SHC4: variants seen among roughly 807,000 people sequenced by gnomAD.
SHC4 encodes the protein SHC-transforming protein 4.
SHC4 carries 41 observed loss-of-function variants against 69.4 expected under a neutral mutation model. The ratio of observed to expected loss-of-function variants is 0.59; its 90% confidence interval spans 0.46 to 0.77. The LOEUF (loss-of-function observed/expected upper bound fraction) is 0.77. SHC4 is among the 30% of genes least tolerant of loss of function. The pLI, the probability that SHC4 is intolerant of heterozygous loss-of-function variation, is 0.00. For synonymous variants in SHC4, 318 were observed against 299.3 expected, an observed-to-expected ratio of 1.06 and a Z score of -0.64; for missense variants, 777 against 783.8, an observed-to-expected ratio of 0.99 and a Z score of 0.10.
In SHC4 at chr15:48,962,778, G is replaced by A. The variant is rs1404694748; in HGVS notation, c.238C>T (p.Pro80Ser). 1.9e-6 allele frequency: 3 copies of A among 1,612,584 alleles called. No individual in the cohort carries two copies. Among genetic ancestry groups the A allele is most frequent in the African/African-American group, 2.7e-5 (2 of 74,902 alleles). ...GGGATCAAGGTGCACAGTGGGGTGG[G>A]GCTCTCCTGCGACGGCAAGGTGGCA... ...EDATLPSQESPTPLCTLIPRM... is the reference protein window; with the variant it reads ...EDATLPSQESSTPLCTLIPRM... The change falls in exon 1 of 12, where the codon CCC (proline) becomes TCC (serine). Residue 80 changes from proline to serine, a missense_variant. Coordinates refer to ENST00000332408, the MANE Select transcript of SHC4 (RefSeq NM_203349.4).
intron 5 of SHC4, among the ~76,000 whole-genome samples, chr15:48,870,557 T>C (rs1899650224): frequency 6.6e-6 from 1 of 152,088 alleles, no homozygotes; most frequent in Non-Finnish European, 1.5e-5. Flanking sequence ...AAACTGGATA[T>C]CCATTAATTA....
chr15:48,938,597 C>T (rs1775095865), intron 1 of SHC4, among the ~76,000 whole-genome samples: 1 of 152,180 alleles, frequency 6.6e-6, no homozygotes. Flanking sequence ...AATGATATCA[C>T]TGTGGGAGTG....
Position 48,886,489 on chromosome 15 carries a change from G to A in SHC4, c.721-2122C>T, listed in dbSNP as rs12591306. Among the ~76,000 whole-genome samples, 1,413 of 152,196 alleles carry A rather than the reference G, an allele frequency of 9.3e-3. 30 individuals carry two copies. Among genetic ancestry groups the A allele is most frequent in the East Asian group, 0.068 (350 of 5,168 alleles). ...AGTTAAAAGACCGATGGAAGAAAAA[G>A]GAGCGGAAAGCACACAGGATGGGCA... On this transcript the variant is annotated intron_variant, in intron 3 of 11. Transcript: ENST00000332408.
At chr15:48,897,813 T>G (rs1900252014) in intron 2 of SHC4, among the ~76,000 whole-genome samples, 1 of 142,078 alleles carries the variant, frequency 7.0e-6, no homozygotes, top group Non-Finnish European at 1.5e-5. Context: ...AGTGAAGGAG[T>G]AGTTCCAGTT....
chr15:48,910,190 G>GT lies in SHC4; in HGVS notation c.656+14688dup, dbSNP rs922629223. 1.9e-4 allele frequency among the ~76,000 whole-genome samples: 29 copies of GT among 150,942 alleles called. 1 individual carries two copies. The highest frequency in any genetic ancestry group is 5.6e-4 in the African/African-American group (23 of 41,246). On this transcript the variant is annotated intron_variant, in intron 2 of 11. Coordinates refer to ENST00000332408, the MANE Select transcript of SHC4 (RefSeq NM_203349.4). ...GCTGTGAATCCATCTGGTCCTGGAG[G>GT]TTTTTTTTTGTTGTTGGTAATTTTT...
intron 2 of SHC4, among the ~76,000 whole-genome samples, chr15:48,892,252 G>A (rs1321763408): frequency 6.6e-6 from 1 of 152,160 alleles, no homozygotes; most frequent in African/African-American, 2.4e-5. Context: ...AATTCCCAAA[G>A]ATTCTAGGCA....
rs1899208651 is a variant in SHC4 at position 48,851,216 on chromosome 15, C to G, written c.1275G>C (p.Glu425Asp). ...TTGCCCTGCTTTGTTCTAAACAGTT[C>G]TCATATACACTGCTGCACTTGGAGT... ...PGNSKCSSVYENCLEQSRAIG... is the reference protein window; with the variant it reads ...PGNSKCSSVYDNCLEQSRAIG... The change falls in exon 9 of 12, where the codon GAG (glutamate) becomes GAC (aspartate). Residue 425 changes from glutamate (E) to aspartate (D), a missense_variant. By Grantham distance (45) the Glu-to-Asp change is conservative (BLOSUM62 2). Transcript: ENST00000332408. 6.2e-7 allele frequency: 1 copy of G among 1,613,940 alleles called. No homozygotes were observed. Among genetic ancestry groups the G allele is most frequent in the South Asian group, 1.1e-5 (1 of 91,072 alleles).
chr15:48,912,792 G>A (rs1384861749), intron 2 of SHC4, among the ~76,000 whole-genome samples: 1 of 152,202 alleles, frequency 6.6e-6, no homozygotes, highest in Non-Finnish European at 1.5e-5. Flanking sequence ...TTCCCTTGAT[G>A]TAGTTCTCTC....
intron 1 of SHC4, among the ~76,000 whole-genome samples, chr15:48,932,906 T>C (rs563562014): frequency 3.3e-5 from 5 of 152,258 alleles, no homozygotes; most frequent in Non-Finnish European, 7.4e-5. Flanking sequence ...GATGAGCAAG[T>C]AAGATATGGC....
Position 48,859,099 on chromosome 15 carries a change from T to G in SHC4, c.947-1284A>C, listed in dbSNP as rs569481660. Among the ~76,000 whole-genome samples, 31 of 152,314 alleles carry G rather than the reference T, an allele frequency of 2.0e-4. 1 individual carries two copies. The South Asian group carries it at 6.2e-3, about 31-fold the overall frequency. ...CATGATTTTATGCTTTGCATTGTCT[T>G]GGAAAAAATTCATATTTATTTGAAG... On this transcript the variant is annotated intron_variant, in intron 6 of 11. Coordinates refer to ENST00000332408, the MANE Select transcript of SHC4 (RefSeq NM_203349.4).
chr15:48,924,387 G>A (rs1008776280), intron 2 of SHC4, among the ~76,000 whole-genome samples: 1 of 152,126 alleles, frequency 6.6e-6, no homozygotes, highest in Admixed American at 6.6e-5. Flanking sequence ...GCTCCCTGGG[G>A]TCACCCTGGG....
At chr15:48,860,641 A>C (rs1447115595) in intron 6 of SHC4, among the ~76,000 whole-genome samples, 1 of 152,228 alleles carries the variant, frequency 6.6e-6, no homozygotes, top group African/African-American at 2.4e-5. Context: ...AAGATGAGGA[A>C]GATAATGAGA....
chr15:48,857,615 C>T lies in SHC4; in HGVS notation c.1070+77G>A, dbSNP rs8028868. 2.6e-4 allele frequency: 331 copies of T among 1,265,772 alleles called. 1 individual carries two copies. In the African/African-American group the frequency reaches 4.4e-3, roughly 17 times the overall value. 78.4% of individuals were successfully genotyped at this position (1,265,772 alleles called of 1,614,324 possible). The stretch of plus-strand genomic sequence containing the variant: ...AAATGCCACATTAATGTTATATATA[C>T]ACACACAAATAAATACATACAGATA... On this transcript the variant is annotated intron_variant, in intron 7 of 11. Transcript: ENST00000332408.
At chr15:48,914,248 T>C (rs145294534) in intron 2 of SHC4, among the ~76,000 whole-genome samples, 201 of 152,326 alleles carry the variant, frequency 1.3e-3, no homozygotes, top group African/African-American at 4.8e-3. Context: ...TGTTTCTTAG[T>C]TTCAATCCAA....
intron 9 of SHC4, among the ~76,000 whole-genome samples, chr15:48,847,897 G>C (rs1159296227): frequency 1.3e-5 from 2 of 151,444 alleles, no homozygotes; most frequent in Admixed American, 6.6e-5. Flanking sequence ...AGCTACTCAG[G>C]AGGCTGAGGC....
Position 48,872,119 on chromosome 15 carries a change from C to A in SHC4, c.864G>T (p.Gln288His), listed in dbSNP as rs754696525. ...NQQIIANHHM[Q>H]SISFASGGDP... Reference sequence around the variant, plus strand: ...CCCCTCCAGAGGCAAATGAAATAGACTGCATATGATGATTTGCAATAATCT... The same window carrying A: ...CCCCTCCAGAGGCAAATGAAATAGAATGCATATGATGATTTGCAATAATCT... Residue 288 changes from glutamine to histidine, a missense_variant, in exon 5 of 12, where the codon CAG (glutamine) becomes CAT (histidine). Transcript: ENST00000332408. 2.1e-5 allele frequency: 33 copies of A among 1,593,082 alleles called. No homozygotes were observed. Among genetic ancestry groups the A allele is most frequent in the Non-Finnish European group, 2.8e-5 (33 of 1,166,444 alleles).
chr15:48,875,166 T>C (rs1244262378), intron 4 of SHC4, among the ~76,000 whole-genome samples: 1 of 148,780 alleles, frequency 6.7e-6, no homozygotes, highest in East Asian at 2.0e-4. Context: ...TTATCCAAGC[T>C]TGCTTTGCAT....
intron 6 of SHC4, among the ~76,000 whole-genome samples, chr15:48,865,872 G>A (rs910410314): frequency 5.9e-5 from 9 of 152,194 alleles, no homozygotes; most frequent in African/African-American, 1.9e-4. Context: ...CTTTCAAAGT[G>A]AATGTGCTGC....
At chr15:48,906,493 A>C (rs1900408025) in intron 2 of SHC4, among the ~76,000 whole-genome samples, 1 of 147,448 alleles carries the variant, frequency 6.8e-6, no homozygotes, top group African/African-American at 2.5e-5. Context: ...CCCCCATCTC[A>C]TCCCCTTTTC....
Sources: allele counts gnomAD v4.1 joint callset (sites outside exome capture counted in the v4.1 genomes callset), GRCh38; gene constraint gnomAD v4.1.1; transcripts MANE v1.5; gene names NCBI Gene and HGNC (gene_info 2026-07-23, HGNC 2026-07-21).